Variants in EXOC6B observed in about 807,000 individuals in gnomAD.
The protein encoded by EXOC6B is exocyst complex component 6B.
In EXOC6B, 54 loss-of-function variants were observed where a neutral mutation model predicts 113.5. That is an observed-to-expected ratio of 0.48 (90% CI 0.38 to 0.60). The LOEUF (loss-of-function observed/expected upper bound fraction) is 0.60. EXOC6B is among the 20% of genes least tolerant of loss of function. The probability of loss-of-function intolerance (pLI) is 0.00; values close to 1 mark genes in which losing one functional copy is unlikely to be tolerated. For synonymous variants in EXOC6B, 357 were observed against 339.0 expected, an observed-to-expected ratio of 1.05 and a Z score of -0.58; for missense variants, 797 against 977.5, an observed-to-expected ratio of 0.82 and a Z score of 2.46.
chr2:72,236,936 G>A (rs527547266), intron 20 of EXOC6B, among the ~76,000 whole-genome samples: 1 of 152,096 alleles, frequency 6.6e-6, no homozygotes, highest in African/African-American at 2.4e-5. Flanking sequence ...TAGTAGTCCT[G>A]TTTTTCTCTT....
intron 18 of EXOC6B, among the ~76,000 whole-genome samples, chr2:72,429,469 T>G (rs1044349807): frequency 6.6e-6 from 1 of 152,246 alleles, no homozygotes; most frequent in Non-Finnish European, 1.5e-5. Context: ...TAGATAATCA[T>G]AGCAGGTAAG....
chr2:72,515,097 G>A lies in EXOC6B; in HGVS notation c.945C>T (p.Tyr315=). Residue 315 remains tyrosine (Y), a synonymous_variant, in exon 9 of 22, where the codon TAC becomes TAT. Coordinates refer to ENST00000272427, the MANE Select transcript of EXOC6B (RefSeq NM_015189.3). The part of the protein sequence containing the change: ...LGARETFENY[Y]RKQRRKQARL... ...GAGCCTGTTTTCGCCTCTGTTTTCG[G>A]TAGTAATTCTCAAATGTTTCCCGGG... The A allele has an allele frequency of 6.2e-7, 1 of 1,606,406 alleles. No individual in the cohort carries two copies. The highest frequency in any genetic ancestry group is 8.5e-7 in the Non-Finnish European group (1 of 1,176,370).
intron 6 of EXOC6B, among the ~76,000 whole-genome samples, chr2:72,665,786 A>G (rs1024657536): frequency 6.6e-6 from 1 of 152,208 alleles, no homozygotes; most frequent in African/African-American, 2.4e-5. Flanking sequence ...GGAACTACGC[A>G]ATCAAATCTA....
At chr2:72,614,020 CA>C (rs985350430) in intron 6 of EXOC6B, among the ~76,000 whole-genome samples, 22 of 152,126 alleles carry the variant, frequency 1.4e-4, no homozygotes, top group African/African-American at 5.1e-4. Context: ...CTGCTTTCCA[CA>C]AACCACAAAA....
At chr2:72,696,734 C>G (rs541081491) in intron 6 of EXOC6B, among the ~76,000 whole-genome samples, 4 of 152,270 alleles carry the variant, frequency 2.6e-5, no homozygotes, top group African/African-American at 9.6e-5. Flanking sequence ...CAACTGCCAG[C>G]CAGGAACATG....
intron 7 of EXOC6B, among the ~76,000 whole-genome samples, chr2:72,570,528 T>C (rs746323119): frequency 6.6e-5 from 10 of 152,150 alleles, no homozygotes; most frequent in Non-Finnish European, 1.5e-5. Flanking sequence ...GAGAGATAAA[T>C]CTGACATGAA....
At chr2:72,393,050 G>A (rs1669976249) in intron 18 of EXOC6B, among the ~76,000 whole-genome samples, 1 of 151,922 alleles carries the variant, frequency 6.6e-6, no homozygotes, top group South Asian at 2.1e-4. Context: ...AAGGAAAAAG[G>A]GGAACTTAAT....
chr2:72,261,711 G>C (rs969027879), intron 20 of EXOC6B, among the ~76,000 whole-genome samples: 8 of 152,064 alleles, frequency 5.3e-5, no homozygotes, highest in Admixed American at 5.2e-4. Context: ...TATAGTTCTC[G>C]ACAAGTTATA....
intron 11 of EXOC6B, among the ~76,000 whole-genome samples, chr2:72,500,641 T>C (rs990720120): frequency 5.3e-5 from 8 of 151,678 alleles, no homozygotes; most frequent in African/African-American, 9.7e-5. Flanking sequence ...CAGAGGAAAA[T>C]AAAAATTACA....
intron 18 of EXOC6B, among the ~76,000 whole-genome samples, chr2:72,388,749 G>A (rs546995293): frequency 5.7e-4 from 87 of 152,232 alleles, no homozygotes; most frequent in African/African-American, 2.0e-3. Context: ...ATTGAGTGCA[G>A]ACACACGGTT....
intron 6 of EXOC6B, among the ~76,000 whole-genome samples, chr2:72,666,285 C>T (rs1041913849): frequency 2.0e-5 from 3 of 152,134 alleles, no homozygotes; most frequent in African/African-American, 4.8e-5. Context: ...AAACTTGATG[C>T]TCAAACCACT....
intron 20 of EXOC6B, among the ~76,000 whole-genome samples, chr2:72,197,578 G>A (rs1361543624): frequency 1.3e-5 from 2 of 151,980 alleles, no homozygotes; most frequent in Non-Finnish European, 2.9e-5. Context: ...TAGCATACAA[G>A]ATGGACTAGA....
intron 6 of EXOC6B, among the ~76,000 whole-genome samples, chr2:72,605,294 A>T (rs919720868): frequency 6.6e-6 from 1 of 151,788 alleles, no homozygotes; most frequent in Non-Finnish European, 1.5e-5. Flanking sequence ...CCAAAAAAAA[A>T]AAAGGAAAAA....
intron 1 of EXOC6B, among the ~76,000 whole-genome samples, chr2:72,807,234 C>T (rs750583434): frequency 2.6e-5 from 4 of 152,190 alleles, no homozygotes; most frequent in Non-Finnish European, 5.9e-5. Flanking sequence ...CAGTCTTCCA[C>T]ATATGGTTAA....
chr2:72,791,846 G>C (rs2105038076), intron 1 of EXOC6B, among the ~76,000 whole-genome samples: 1 of 152,290 alleles, frequency 6.6e-6, no homozygotes, highest in Middle Eastern at 3.4e-3. Flanking sequence ...AACATATAAT[G>C]AATCAACATG....
At chr2:72,480,865 A>G in intron 16 of EXOC6B, 115 bp from the exon 17 acceptor site, 1 of 1,041,556 alleles carries the variant, frequency 9.6e-7, no homozygotes, top group Non-Finnish European at 1.4e-6. Context: ...AAGGCCATCC[A>G]CATTCGGGCA....
chr2:72,486,689 G>A (rs1352236111), intron 16 of EXOC6B, among the ~76,000 whole-genome samples: 1 of 152,066 alleles, frequency 6.6e-6, no homozygotes, highest in Non-Finnish European at 1.5e-5. Flanking sequence ...TGTTACCAGA[G>A]GTGAACTTGA....
intron 6 of EXOC6B, among the ~76,000 whole-genome samples, chr2:72,674,901 T>C (rs1210204835): frequency 2.0e-5 from 3 of 152,120 alleles, no homozygotes; most frequent in African/African-American, 4.8e-5. Context: ...GCCTAAAGAA[T>C]ACACAGTGTC....
chr2:72,752,949 G>C (rs907124790), intron 1 of EXOC6B, among the ~76,000 whole-genome samples: 1 of 151,464 alleles, frequency 6.6e-6, no homozygotes, highest in African/African-American at 2.4e-5. Context: ...ATACCTCCTT[G>C]ACCACTTCTT....
Sources: allele counts gnomAD v4.1 joint callset (sites outside exome capture counted in the v4.1 genomes callset), GRCh38; gene constraint gnomAD v4.1.1; transcripts MANE v1.5; gene names NCBI Gene and HGNC (gene_info 2026-07-23, HGNC 2026-07-21).